DTX4: variants seen among roughly 807,000 people sequenced by gnomAD.
DTX4 encodes the protein E3 ubiquitin-protein ligase DTX4.
In DTX4, 28 loss-of-function variants were observed where a neutral mutation model predicts 57.6. The ratio of observed to expected loss-of-function variants is 0.49; its 90% CI spans 0.36 to 0.67. The LOEUF (loss-of-function observed/expected upper bound fraction) is 0.67, where lower values mean the gene tolerates loss of function less well. Among genes scored for constraint, DTX4 ranks in the 30% least tolerant of loss-of-function variants. The pLI is 0.00. For missense variants in DTX4, 715 were observed against 836.8 expected (o/e 0.85, Z 1.80); for synonymous variants, 316 against 331.0 (o/e 0.95, Z 0.49).
At chr11:59,201,076 C>T (rs561989199) in intron 8 of DTX4, among the ~76,000 whole-genome samples, 78 of 152,238 alleles carry the variant, frequency 5.1e-4, no homozygotes, top group African/African-American at 1.8e-3. Context: ...AAGGCACAGG[C>T]GGGTTTAGTG....
intron 8 of DTX4, among the ~76,000 whole-genome samples, chr11:59,203,614 G>C (rs1016328615): frequency 3.9e-4 from 59 of 152,156 alleles, no homozygotes; most frequent in African/African-American, 1.4e-3. Flanking sequence ...CTGTTTTACA[G>C]TTAACTTTTC....
Position 59,182,154 on chromosome 11 carries a change from T to G in DTX4, c.627T>G (p.Thr209=). The part of the protein sequence containing the change: ...SVKAAVVNGS[T]GPLQLPVTRK... ...AGGCAGCCGTGGTCAATGGCAGCAC[T>G]GGGCCCCTACAGCTGCCAGTGACCC... is the stretch of plus-strand genomic sequence containing the variant. Residue 209 remains threonine, a synonymous_variant, in exon 2 of 9, where the codon ACT becomes ACG. Coordinates refer to ENST00000227451, the MANE Select transcript of DTX4 (RefSeq NM_015177.2). 1 of 1,613,108 alleles carries G rather than the reference T, an allele frequency of 6.2e-7. No homozygotes were observed. The highest frequency in any genetic ancestry group is 8.5e-7 in the Non-Finnish European group (1 of 1,179,692).
At chr11:59,175,113 A>G (rs1862379350) in intron 1 of DTX4, among the ~76,000 whole-genome samples, 1 of 152,192 alleles carries the variant, frequency 6.6e-6, no homozygotes, top group Non-Finnish European at 1.5e-5. Context: ...AATCTCATTG[A>G]TGAGGCCATG....
intron 8 of DTX4, among the ~76,000 whole-genome samples, chr11:59,202,357 G>A (rs1862750229): frequency 6.6e-6 from 1 of 152,218 alleles, no homozygotes; most frequent in South Asian, 2.1e-4. Context: ...TTCATGTCTT[G>A]AAGTCTCAGT....
chr11:59,201,974 C>G (rs1862746071), intron 8 of DTX4, among the ~76,000 whole-genome samples: 1 of 152,252 alleles, frequency 6.6e-6, no homozygotes, highest in South Asian at 2.1e-4. Context: ...TCCCTGCACT[C>G]ACTGCCTTCC....
In DTX4 at chr11:59,208,414, G is replaced by A. The variant is rs977272016; in HGVS notation, c.*3505G>A. 3 of 152,208 alleles carry A rather than the reference G, an allele frequency of 2.0e-5. No individual in the cohort carries two copies. Among genetic ancestry groups the A allele is most frequent in the South Asian group, 2.1e-4 (1 of 4,828 alleles). 9.4% of individuals were successfully genotyped at this position (152,208 alleles called of 1,614,324 possible). On this transcript the variant is annotated 3_prime_UTR_variant, in exon 9 of 9. Coordinates refer to ENST00000227451, the MANE Select transcript of DTX4 (RefSeq NM_015177.2). ...GCTGGGAAAATGAGTAAGTGAACGTGTGGGAGAAAAACACTTTTAGAATCA... is the reference window on the plus strand; with the variant it reads ...GCTGGGAAAATGAGTAAGTGAACGTATGGGAGAAAAACACTTTTAGAATCA...
At chr11:59,192,300 A>G (rs1472314363) in intron 6 of DTX4, 50 bp downstream of exon 6, 1 of 1,608,506 alleles carries the variant, frequency 6.2e-7, no homozygotes, top group Non-Finnish European at 8.5e-7. Context: ...TGGGCTCTGG[A>G]GTAGCAAGAT....
intron 2 of DTX4, among the ~76,000 whole-genome samples, chr11:59,184,970 G>A (rs1015948235): frequency 2.6e-5 from 4 of 152,102 alleles, no homozygotes; most frequent in African/African-American, 9.7e-5. Context: ...TCATTGCAGG[G>A]CCCCTTTCCC....
intron 2 of DTX4, 79 bp from the exon 3 acceptor site, chr11:59,188,656 G>A: frequency 1.6e-6 from 2 of 1,276,048 alleles, no homozygotes; most frequent in South Asian, 1.2e-5. Context: ...GCACTTAACT[G>A]CATTTTATTA....
chr11:59,195,364 A>T lies in DTX4; in HGVS notation c.1531A>T (p.Ile511Phe). The change falls in exon 7 of 9, where the codon ATT becomes TTT. Residue 511 changes from isoleucine to phenylalanine, a missense_variant. By Grantham distance (21) the Ile-to-Phe change is conservative. Coordinates refer to ENST00000227451, the MANE Select transcript of DTX4 (RefSeq NM_015177.2). ...IRIIYSIPPG[I>F]QGPEHPNPGK... ...GATCATCTACAGCATCCCCCCCGGC[A>T]TTCAGGTGAGCCTTTCTCTCAGGTG... 1.2e-6 allele frequency: 2 copies of T among 1,603,400 alleles called. No individual in the cohort carries two copies. The highest frequency in any genetic ancestry group is 2.2e-5 in the South Asian group (2 of 90,528).
chr11:59,183,474 CCTTTGCCTGCCAG>C (rs999293931), intron 2 of DTX4, among the ~76,000 whole-genome samples: 9 of 152,198 alleles, frequency 5.9e-5, no homozygotes, highest in African/African-American at 1.9e-4. Context: ...GTGGCTGCAA[CCTTTGCCTGCCAG>C]CCCCTGGTTT....
In DTX4 at chr11:59,172,542, G is replaced by C. The variant is rs1489950565; in HGVS notation, c.-54G>C. ...GGCGCAGGAGGAAGCGGAGGAGGTC[G>C]GGCGCTCGGGGCCCGGGAGGCGGGC... On this transcript the variant is annotated 5_prime_UTR_variant, in exon 1 of 9. Coordinates refer to ENST00000227451, the MANE Select transcript of DTX4 (RefSeq NM_015177.2). 42 of 1,225,000 alleles carry C rather than the reference G, an allele frequency of 3.4e-5. No individual in the cohort carries two copies. The highest frequency in any genetic ancestry group is 4.0e-5 in the Non-Finnish European group (39 of 963,466). 75.9% of individuals were successfully genotyped at this position (1,225,000 alleles called of 1,614,324 possible). A position where few individuals can be genotyped will look rare whatever the true frequency, so the allele number is the denominator to read the frequency against.
At chr11:59,181,319 G>T (rs1862459383) in intron 1 of DTX4, among the ~76,000 whole-genome samples, 1 of 152,178 alleles carries the variant, frequency 6.6e-6, no homozygotes, top group Non-Finnish European at 1.5e-5. Context: ...CATATTTGCT[G>T]AATAAATAAG....
intron 1 of DTX4, among the ~76,000 whole-genome samples, chr11:59,177,948 G>A (rs867136896): frequency 4.5e-4 from 69 of 152,296 alleles, no homozygotes; most frequent in African/African-American, 1.5e-3. Context: ...CACTCTCATG[G>A]TACTCACTCT....
rs200498275 is a variant in DTX4 at position 59,181,927 on chromosome 11, G to A, written c.400G>A (p.Val134Ile). ...CCTCACTTCCATTGGCTTTAGCTAC[G>A]TAATTGACTTCAACACCATGGGCCA... is the stretch of plus-strand genomic sequence containing the variant. ...IDLTSIGFSY[V>I]IDFNTMGQIN... The change falls in exon 2 of 9, where the codon GTA becomes ATA. Residue 134 changes from valine to isoleucine, a missense_variant. Val to Ile is a conservative substitution (Grantham distance 29). Transcript: ENST00000227451. 52 of 1,613,968 alleles carry A rather than the reference G, an allele frequency of 3.2e-5. No homozygotes were observed. The highest frequency in any genetic ancestry group is 2.7e-4 in the African/African-American group (20 of 75,032).
At chr11:59,194,289 C>T (rs1412406733) in intron 6 of DTX4, among the ~76,000 whole-genome samples, 2 of 152,200 alleles carry the variant, frequency 1.3e-5, no homozygotes, top group South Asian at 2.1e-4. Flanking sequence ...AAATATTAAA[C>T]TCTTTATAGT....
intron 8 of DTX4, among the ~76,000 whole-genome samples, chr11:59,200,959 G>A (rs1862733884): frequency 6.6e-6 from 1 of 152,222 alleles, no homozygotes; most frequent in African/African-American, 2.4e-5. Flanking sequence ...CTGTGGGTCA[G>A]TGTCTTAGTC....
rs199904268 is a variant in DTX4 at position 59,181,725 on chromosome 11, T to C, written c.212-14T>C. 4 of 1,582,498 alleles carry C rather than the reference T, an allele frequency of 2.5e-6. No homozygotes were observed. Among genetic ancestry groups the C allele is most frequent in the Non-Finnish European group, 2.6e-6 (3 of 1,161,182 alleles). ...CATGCTGACTCTGACCTCTCCCCTATCCCACCCTGGCAGGAACTCTCCGCC... is the reference window on the plus strand; with the variant it reads ...CATGCTGACTCTGACCTCTCCCCTACCCCACCCTGGCAGGAACTCTCCGCC... On this transcript the variant is annotated splice_polypyrimidine_tract_variant and intron_variant, in intron 1 of 8. Coordinates refer to ENST00000227451, the MANE Select transcript of DTX4 (RefSeq NM_015177.2).
At chr11:59,174,855 G>T (rs1413660299) in intron 1 of DTX4, among the ~76,000 whole-genome samples, 1 of 152,168 alleles carries the variant, frequency 6.6e-6, no homozygotes, top group East Asian at 1.9e-4. Context: ...TTTAAAGGCT[G>T]CCTCAGGGTG....
Sources: allele counts gnomAD v4.1 joint callset (sites outside exome capture counted in the v4.1 genomes callset), GRCh38; gene constraint gnomAD v4.1.1; transcripts MANE v1.5; gene names NCBI Gene and HGNC (gene_info 2026-07-23, HGNC 2026-07-21).